The following MPDZ variants were observed in gnomAD, a reference collection of about 807,000 sequenced individuals.
The protein encoded by MPDZ is multiple PDZ domain crumbs cell polarity complex component.
A neutral mutation model predicts 239.1 loss-of-function variants in MPDZ; 234 were observed. That is an observed-to-expected ratio of 0.98 (90% confidence interval 0.88 to 1.09). The LOEUF (loss-of-function observed/expected upper bound fraction) is 1.09, where lower values mean the gene tolerates loss of function less well. Ranked by LOEUF, MPDZ falls within the 50% of genes least tolerant of loss-of-function variation. The pLI is 0.00. For missense variants in MPDZ, 3,175 were observed against 2,510.0 expected (o/e 1.26, Z -5.66); for synonymous variants, 1,048 against 881.3 (o/e 1.19, Z -3.35).
intron 27 of MPDZ, 31 bp from the exon 28 acceptor site, chr9:13,140,180 G>C: frequency 6.2e-7 from 1 of 1,607,408 alleles, no homozygotes; most frequent in Non-Finnish European, 8.5e-7. Flanking sequence ...CAGTGGGTTT[G>C]TACAGTCTAA....
chr9:13,177,327 CATATAGAATACA>C (rs913928526), intron 19 of MPDZ, among the ~76,000 whole-genome samples: 2 of 152,068 alleles, frequency 1.3e-5, no homozygotes, highest in Admixed American at 6.6e-5. Context: ...ACTGTGTATG[CATATAGAATACA>C]ATATGAAGAG....
chr9:13,147,659 C>G lies in MPDZ; in HGVS notation c.3631-1G>C, dbSNP rs181332355. On this transcript the variant is annotated splice_acceptor_variant, in intron 25 of 46. Transcript: ENST00000319217. LOFTEE classifies it high-confidence loss of function. ...CATCTCTGAGGTCCATTCCATCCAC[C>G]TGCAATGGAAGGCCTCAGCTTAACA... The G allele has an allele frequency of 1.3e-5, 21 of 1,607,054 alleles. No individual in the cohort carries two copies. Among genetic ancestry groups the G allele is most frequent in the Non-Finnish European group, 1.8e-5 (21 of 1,174,466 alleles).
intron 39 of MPDZ, among the ~76,000 whole-genome samples, chr9:13,116,890 T>C (rs1157241398): frequency 6.6e-6 from 1 of 152,160 alleles, no homozygotes; most frequent in Non-Finnish European, 1.5e-5. Flanking sequence ...TAGTTGCATC[T>C]ATGCGGTAAA....
At chr9:13,240,945 C>T (rs1417028360) in intron 3 of MPDZ, among the ~76,000 whole-genome samples, 1 of 152,006 alleles carries the variant, frequency 6.6e-6, no homozygotes, top group East Asian at 1.9e-4. Flanking sequence ...ACAAAAATAC[C>T]ATACAATTAT....
At chr9:13,177,155 G>A (rs1053439255) in intron 19 of MPDZ, among the ~76,000 whole-genome samples, 7 of 152,048 alleles carry the variant, frequency 4.6e-5, no homozygotes, top group Admixed American at 4.6e-4. Context: ...ACTTACAACA[G>A]ATATATTGTA....
At chr9:13,246,959 G>C (rs1728138167) in intron 3 of MPDZ, among the ~76,000 whole-genome samples, 1 of 152,150 alleles carries the variant, frequency 6.6e-6, no homozygotes, top group South Asian at 2.1e-4. Context: ...AAGAACATCT[G>C]ACTTCAGTTT....
At chr9:13,244,663 C>A (rs1966186161) in intron 3 of MPDZ, among the ~76,000 whole-genome samples, 2 of 152,110 alleles carry the variant, frequency 1.3e-5, no homozygotes, top group African/African-American at 4.8e-5. Flanking sequence ...AGTTACACAC[C>A]TGTCAAGTGT....
intron 2 of MPDZ, among the ~76,000 whole-genome samples, chr9:13,248,227 CAAA>C (rs757008099): frequency 1.7e-5 from 1 of 59,964 alleles, no homozygotes; most frequent in Admixed American, 1.9e-4. Context: ...GACTCCATCT[CAAA>C]AAAAAAAAAA....
intron 32 of MPDZ, among the ~76,000 whole-genome samples, chr9:13,127,329 C>T (rs1370114632): frequency 6.6e-6 from 1 of 152,200 alleles, no homozygotes; most frequent in Non-Finnish European, 1.5e-5. Context: ...CTGAAAATGC[C>T]TCTCAGTCCC....
chr9:13,172,791 G>C (rs1022290475), intron 21 of MPDZ, among the ~76,000 whole-genome samples: 1 of 152,142 alleles, frequency 6.6e-6, no homozygotes, highest in Non-Finnish European at 1.5e-5. Flanking sequence ...GTGATGGAAA[G>C]GAAGGACACT....
intron 3 of MPDZ, among the ~76,000 whole-genome samples, chr9:13,242,879 C>A (rs886592596): frequency 2.0e-5 from 3 of 152,148 alleles, no homozygotes; most frequent in Admixed American, 2.0e-4. Context: ...GAACTCTACC[C>A]ATTACCTGTC....
At chr9:13,132,299 G>A (rs1946114408) in intron 32 of MPDZ, among the ~76,000 whole-genome samples, 1 of 152,196 alleles carries the variant, frequency 6.6e-6, no homozygotes, top group African/African-American at 2.4e-5. Flanking sequence ...ATTTACAGAA[G>A]ACGAAAGTGA....
intron 25 of MPDZ, 70 bp from the exon 26 acceptor site, chr9:13,147,728 G>A (rs1457556665): frequency 3.6e-6 from 4 of 1,120,784 alleles, no homozygotes; most frequent in Non-Finnish European, 4.0e-6. Context: ...TGGATATGGA[G>A]TTTTAGGGAT....
intron 13 of MPDZ, among the ~76,000 whole-genome samples, chr9:13,195,021 T>A (rs2135217652): frequency 6.6e-6 from 1 of 151,540 alleles, no homozygotes; most frequent in South Asian, 2.1e-4. Context: ...GGTGCAGTGG[T>A]GCATGCCTGT....
rs1470740961 is a variant in MPDZ, at chr9:13,126,733, T to C, written c.4504A>G (p.Thr1502Ala). 2 of 1,613,832 alleles carry C rather than the reference T, an allele frequency of 1.2e-6. No homozygotes were observed. The highest frequency in any genetic ancestry group is 2.7e-5 in the African/African-American group (2 of 74,930). Reference protein sequence around the residue: ...GLGIAISEEDTLSGVIIKSLT... With the variant: ...GLGIAISEEDALSGVIIKSLT... ...CTCTTTATGATGACTCCACTGAGTG[T>C]ATCTTCTTCGCTGATAGCAATACCC... The change falls in exon 33 of 47, where the codon ACA becomes GCA. Residue 1502 changes from threonine (T) to alanine (A), a missense_variant. Transcript: ENST00000319217.
chr9:13,229,468 C>T (rs994836078), intron 3 of MPDZ, among the ~76,000 whole-genome samples: 8 of 151,426 alleles, frequency 5.3e-5, no homozygotes, highest in African/African-American at 1.9e-4. Flanking sequence ...AGACCAACAG[C>T]TGACTTCTCA....
chr9:13,176,050 T>C (rs1430427318), intron 20 of MPDZ, 86 bp downstream of exon 20: 5 of 1,449,766 alleles, frequency 3.4e-6, no homozygotes, highest in Admixed American at 2.6e-5. Flanking sequence ...AAGCACTCAT[T>C]CCAAATGAAG....
chr9:13,156,629 T>C (rs940901436), intron 24 of MPDZ, among the ~76,000 whole-genome samples: 4 of 152,182 alleles, frequency 2.6e-5, no homozygotes, highest in Non-Finnish European at 5.9e-5. Flanking sequence ...GTGGGAATTA[T>C]GGGAGCTACA....
chr9:13,276,905 A>C (rs1250141862), intron 1 of MPDZ: 2 of 152,198 alleles, frequency 1.3e-5, no homozygotes, highest in African/African-American at 2.4e-5. Context: ...TCAATTCTAG[A>C]CAATGGATTC....
Sources: allele counts gnomAD v4.1 joint callset (sites outside exome capture counted in the v4.1 genomes callset), GRCh38; gene constraint gnomAD v4.1.1; transcripts MANE v1.5; gene names NCBI Gene and HGNC (gene_info 2026-07-23, HGNC 2026-07-21).